MMAA: variants seen among roughly 807,000 people sequenced by gnomAD.
The protein encoded by MMAA is methylmalonic aciduria type A protein, mitochondrial.
A neutral mutation model predicts 45.0 loss-of-function variants in MMAA; 41 were observed. The ratio of observed to expected loss-of-function variants is 0.91; its 90% confidence interval spans 0.71 to 1.18. MMAA has a LOEUF of 1.18. Ranked by LOEUF, MMAA falls within the 50% of genes most tolerant of loss-of-function variation. The pLI is 0.00. For missense variants in MMAA, 460 were observed against 495.7 expected, an observed-to-expected ratio of 0.93 and a Z score of 0.68; for synonymous variants, 154 against 178.2, an observed-to-expected ratio of 0.86 and a Z score of 1.08.
intron 2 of MMAA, among the ~76,000 whole-genome samples, chr4:145,640,421 T>C (rs1255100727): frequency 7.9e-5 from 12 of 152,178 alleles, no homozygotes; most frequent in Admixed American, 7.9e-4. Context: ...CTATTTTTAG[T>C]CTCACTCTAT....
intron 4 of MMAA, chr4:145,646,490 G>C (rs1395513341): frequency 7.6e-6 from 2 of 261,500 alleles, no homozygotes; most frequent in Non-Finnish European, 1.5e-5. Context: ...TATGTCTACT[G>C]TGTTCATCAA....
At chr4:145,638,096 G>A (rs900580326) in intron 1 of MMAA, among the ~76,000 whole-genome samples, 2 of 152,186 alleles carry the variant, frequency 1.3e-5, no homozygotes, top group East Asian at 1.9e-4. Flanking sequence ...ATGGCCGGGC[G>A]TGGGGGCTCA....
intron 2 of MMAA, among the ~76,000 whole-genome samples, chr4:145,641,756 G>A (rs992717179): frequency 2.0e-5 from 3 of 152,148 alleles, no homozygotes; most frequent in African/African-American, 7.2e-5. Context: ...AACTGGCTGC[G>A]TGGCTTCAGG....
Position 145,655,162 on chromosome 4 carries a change from G to T in MMAA, c.985G>T (p.Ala329Ser). 6.2e-7 allele frequency: 1 copy of T among 1,613,988 alleles called. No homozygotes were observed. The highest frequency in any genetic ancestry group is 8.5e-7 in the Non-Finnish European group (1 of 1,179,968). The change falls in exon 7 of 7, where the codon GCC becomes TCC. Residue 329 changes from alanine to serine, a missense_variant. By Grantham distance (99) the Ala-to-Ser change is moderately conservative. Transcript: ENST00000649156. ...VWKPKVIRIS[A>S]RSGEGISEMW... ...TTTTCGATAGGTAATTCGTATTTCT[G>T]CCCGAAGTGGAGAGGGGATCTCTGA...
At chr4:145,619,914 G>A (rs151065576) in intron 1 of MMAA, among the ~76,000 whole-genome samples, 112 of 152,288 alleles carry the variant, frequency 7.4e-4, no homozygotes, top group African/African-American at 2.6e-3. Context: ...CCGTCACATG[G>A]CGTGCCGGGC....
At position 145,651,046 on chromosome 4, in the gene MMAA, T is replaced by C. The variant is rs1369794378; in HGVS notation, c.734-16T>C. The C allele has an allele frequency of 6.2e-7, 1 of 1,611,666 alleles. No individual in the cohort carries two copies. The highest frequency in any genetic ancestry group is 1.3e-5 in the African/African-American group (1 of 74,918). The stretch of plus-strand genomic sequence containing the variant: ...TGGTGAGTATTTTAGGATATAGTTG[T>C]GATTTACAATTTCAGGTGTGGGTCA... On this transcript the variant is annotated splice_polypyrimidine_tract_variant and intron_variant, in intron 4 of 6. Coordinates refer to ENST00000649156, the MANE Select transcript of MMAA (RefSeq NM_172250.3).
In MMAA at chr4:145,659,441, G is replaced by T. The variant is rs1728327744; in HGVS notation, c.*4007G>T. ...AAATTTGTGTATAAAGGTAACCTTG[G>T]GGCAGTTTATTTTGCTTAGACCCCT... On this transcript the variant is annotated 3_prime_UTR_variant, in exon 7 of 7. Transcript: ENST00000649156. 1 of 152,070 alleles carries T rather than the reference G, an allele frequency of 6.6e-6. No homozygotes were observed. 9.4% of individuals were successfully genotyped at this position (152,070 alleles called of 1,614,324 possible).
intron 5 of MMAA, 42 bp from the exon 6 acceptor site, chr4:145,653,952 A>G: frequency 1.2e-6 from 2 of 1,610,468 alleles, no homozygotes; most frequent in African/African-American, 2.7e-5. Flanking sequence ...TAGTTTTCCC[A>G]TTTTTATGTT....
Position 145,651,160 on chromosome 4 carries a change from A to T in MMAA, c.819+13A>T, listed in dbSNP as rs1728078561. On this transcript the variant is annotated intron_variant, in intron 5 of 6. Transcript: ENST00000649156. ...AGATGAGCTGCAGGTAATTATTTTTATTTTTTCCCCCAAAAATATAAAATG... is the reference window on the plus strand; with the variant it reads ...AGATGAGCTGCAGGTAATTATTTTTTTTTTTTCCCCCAAAAATATAAAATG... The T allele has an allele frequency of 6.2e-7, 1 of 1,607,386 alleles. No homozygotes were observed. Among genetic ancestry groups the T allele is most frequent in the East Asian group, 2.2e-5 (1 of 44,832 alleles).
chr4:145,640,900 G>A (rs765154394), intron 2 of MMAA, among the ~76,000 whole-genome samples: 3 of 151,940 alleles, frequency 2.0e-5, no homozygotes, highest in Non-Finnish European at 2.9e-5. Context: ...TTGTCTTGGT[G>A]GTTAAAGTGC....
chr4:145,648,689 A>T (rs1728008118), intron 4 of MMAA, among the ~76,000 whole-genome samples: 1 of 152,230 alleles, frequency 6.6e-6, no homozygotes. Flanking sequence ...TATTTTCTAT[A>T]TAAAAGAGAC....
chr4:145,653,345 A>G (rs576076465), intron 5 of MMAA, among the ~76,000 whole-genome samples: 1 of 152,184 alleles, frequency 6.6e-6, no homozygotes, highest in Non-Finnish European at 1.5e-5. Context: ...AAAAATCTGT[A>G]TTTACTAAAT....
Position 145,655,136 on chromosome 4 carries a change from C to T in MMAA, c.970-11C>T. 1 of 1,613,804 alleles carries T rather than the reference C, an allele frequency of 6.2e-7. No homozygotes were observed. Among genetic ancestry groups the T allele is most frequent in the Non-Finnish European group, 8.5e-7 (1 of 1,179,926 alleles). The stretch of plus-strand genomic sequence containing the variant: ...TTAAGTAAAATGGTCTGGTTCTTCC[C>T]TTTTCGATAGGTAATTCGTATTTCT... On this transcript the variant is annotated splice_polypyrimidine_tract_variant and intron_variant, in intron 6 of 6. Transcript: ENST00000649156.
At position 145,651,735 on chromosome 4, in the gene MMAA, C is replaced by T. The variant is rs1276418504; in HGVS notation, c.819+588C>T. 3.9e-5 allele frequency among the ~76,000 whole-genome samples: 6 copies of T among 152,220 alleles called. No homozygotes were observed. The South Asian group carries it at 1.0e-3, about 26-fold the overall frequency. On this transcript the variant is annotated intron_variant, in intron 5 of 6. Transcript: ENST00000649156. Reference sequence around the variant, plus strand: ...TTAGTAATTCACTAGAACAGTGGTCCCCAACCTTTTTGGCATCAGGAACTG... The same window carrying T: ...TTAGTAATTCACTAGAACAGTGGTCTCCAACCTTTTTGGCATCAGGAACTG...
chr4:145,643,019 G>A (rs1415653865), intron 3 of MMAA, among the ~76,000 whole-genome samples: 1 of 152,156 alleles, frequency 6.6e-6, no homozygotes, highest in Non-Finnish European at 1.5e-5. Flanking sequence ...ATTTAGCATA[G>A]TACATTGTAC....
At chr4:145,652,931 A>G (rs1240510941) in intron 5 of MMAA, among the ~76,000 whole-genome samples, 1 of 151,644 alleles carries the variant, frequency 6.6e-6, no homozygotes, top group Non-Finnish European at 1.5e-5. Context: ...GTGCAGTGGC[A>G]TGATCATAGC....
intron 1 of MMAA, among the ~76,000 whole-genome samples, chr4:145,633,875 C>G (rs781426756): frequency 5.9e-5 from 9 of 152,228 alleles, no homozygotes; most frequent in Non-Finnish European, 1.3e-4. Context: ...TCTGGATTAT[C>G]AGGCAGAGAC....
chr4:145,639,669 G>A (rs919134981), intron 2 of MMAA, 91 bp downstream of exon 2: 30 of 1,480,620 alleles, frequency 2.0e-5, no homozygotes, highest in Admixed American at 1.5e-4. Flanking sequence ...GTTTGCAATC[G>A]AATGGCGACT....
rs140240862 is a variant in MMAA, at chr4:145,649,898, T to C, written c.734-1164T>C. Among the ~76,000 whole-genome samples the C allele has an allele frequency of 1.2e-3, 180 of 152,196 alleles. 1 individual carries two copies. The highest frequency in any genetic ancestry group is 3.8e-3 in the Admixed American group (58 of 15,284). ...GTTCAAGCTGTCCTTCCACCTCAGC[T>C]TCCCAAGTAGCTGGGACTACAGGTA... On this transcript the variant is annotated intron_variant, in intron 4 of 6. Coordinates refer to ENST00000649156, the MANE Select transcript of MMAA (RefSeq NM_172250.3).
Sources: allele counts gnomAD v4.1 joint callset (sites outside exome capture counted in the v4.1 genomes callset), GRCh38; gene constraint gnomAD v4.1.1; transcripts MANE v1.5; gene names NCBI Gene and HGNC (gene_info 2026-07-23, HGNC 2026-07-21).